LIMS1: variants seen among roughly 807,000 people sequenced by gnomAD.
LIMS1 encodes the protein LIM zinc finger domain containing 1.
LIMS1 carries 18 observed loss-of-function variants against 44.1 expected under a neutral mutation model. That is an observed-to-expected ratio of 0.41 (90% confidence interval 0.28 to 0.61). The LOEUF (loss-of-function observed/expected upper bound fraction) is 0.61, where lower values mean the gene tolerates loss of function less well. LIMS1 is among the 20% of genes least tolerant of loss of function. The pLI, the probability that LIMS1 is intolerant of heterozygous loss-of-function variation, is 0.32. For synonymous variants in LIMS1, 93 were observed against 149.1 expected, an observed-to-expected ratio of 0.62 and a Z score of 2.74; for missense variants, 201 against 422.0, an observed-to-expected ratio of 0.48 and a Z score of 4.59.
intron 1 of LIMS1, among the ~76,000 whole-genome samples, chr2:108,592,963 A>G (rs1209724831): frequency 7.9e-5 from 12 of 152,284 alleles, no homozygotes; most frequent in Non-Finnish European, 1.6e-4. Flanking sequence ...CATACCTTGG[A>G]TATTGTGAAT....
At chr2:108,598,202 T>A (rs1351699523) in intron 1 of LIMS1, among the ~76,000 whole-genome samples, 1 of 151,776 alleles carries the variant, frequency 6.6e-6, no homozygotes, top group Non-Finnish European at 1.5e-5. Flanking sequence ...ACATGATGTG[T>A]AAGTAGCTGG....
At chr2:108,629,701 A>G (rs1045242901) in intron 1 of LIMS1, among the ~76,000 whole-genome samples, 7 of 152,188 alleles carry the variant, frequency 4.6e-5, no homozygotes, top group African/African-American at 1.7e-4. Context: ...GTCCATTCAG[A>G]AGCTTTAAAG....
At chr2:108,558,029 C>G (rs1684982105) in intron 1 of LIMS1, among the ~76,000 whole-genome samples, 2 of 152,144 alleles carry the variant, frequency 1.3e-5, no homozygotes, top group Non-Finnish European at 1.5e-5. Context: ...TTAATACTTT[C>G]TAGCAAACAG....
Position 108,649,432 on chromosome 2 carries a change from C to T in LIMS1, c.33-10173C>T, listed in dbSNP as rs538086092. On this transcript the variant is annotated intron_variant, in intron 1 of 9. Transcript: ENST00000544547. Reference sequence around the variant, plus strand: ...GACAGTGTGCCGATTCCTCAAGGATCTAGAACTAGAAATACCATTTGACCC... The same window carrying T: ...GACAGTGTGCCGATTCCTCAAGGATTTAGAACTAGAAATACCATTTGACCC... Among the ~76,000 whole-genome samples, 784 of 152,276 alleles carry T rather than the reference C, an allele frequency of 5.1e-3. 11 individuals carry two copies. Among genetic ancestry groups the T allele is most frequent in the African/African-American group, 0.018 (751 of 41,548 alleles).
chr2:108,648,394 T>G (rs1369574527), intron 1 of LIMS1, among the ~76,000 whole-genome samples: 2 of 152,182 alleles, frequency 1.3e-5, no homozygotes, highest in Non-Finnish European at 2.9e-5. Context: ...CAAAGTAATT[T>G]ATAGATTCAA....
intron 1 of LIMS1, among the ~76,000 whole-genome samples, chr2:108,545,964 A>G (rs1684467588): frequency 6.6e-6 from 1 of 152,232 alleles, no homozygotes; most frequent in Admixed American, 6.5e-5. Flanking sequence ...TACTTCTAAA[A>G]AGAGAAGCCC....
chr2:108,545,049 A>C (rs546983944), intron 1 of LIMS1, among the ~76,000 whole-genome samples: 8 of 152,300 alleles, frequency 5.3e-5, no homozygotes, highest in Non-Finnish European at 1.0e-4. Context: ...GGTTTTTCTA[A>C]ATTGAGATCT....
At chr2:108,546,436 G>A (rs575590748) in intron 1 of LIMS1, among the ~76,000 whole-genome samples, 7 of 151,720 alleles carry the variant, frequency 4.6e-5, no homozygotes, top group Non-Finnish European at 1.0e-4. Flanking sequence ...TGTGAGCCAC[G>A]GTGCCTGGGC....
intron 1 of LIMS1, among the ~76,000 whole-genome samples, chr2:108,573,444 T>G (rs977884950): frequency 1.3e-5 from 2 of 152,204 alleles, no homozygotes; most frequent in African/African-American, 4.8e-5. Context: ...CTTGAATACT[T>G]AACGATACAC....
At chr2:108,611,443 G>GT (rs537558779) in intron 1 of LIMS1, among the ~76,000 whole-genome samples, 47 of 151,824 alleles carry the variant, frequency 3.1e-4, no homozygotes, top group Non-Finnish European at 6.2e-4. Context: ...ACCTATCAAT[G>GT]TTTTTTTTCA....
intron 1 of LIMS1, among the ~76,000 whole-genome samples, chr2:108,575,232 G>T (rs939929061): frequency 6.6e-6 from 1 of 152,032 alleles, no homozygotes; most frequent in Non-Finnish European, 1.5e-5. Flanking sequence ...GAGGATGGAG[G>T]TGGGGTTTTT....
chr2:108,551,842 TG>T (rs1400658654), intron 1 of LIMS1, among the ~76,000 whole-genome samples: 1 of 146,480 alleles, frequency 6.8e-6, no homozygotes, highest in Non-Finnish European at 1.5e-5. Flanking sequence ...ACACATATAC[TG>T]TATATATACT....
intron 1 of LIMS1, among the ~76,000 whole-genome samples, chr2:108,623,056 G>T (rs2148877229): frequency 6.9e-6 from 1 of 145,242 alleles, no homozygotes; most frequent in South Asian, 2.2e-4. Flanking sequence ...GTTGTTTAAA[G>T]AGAAATATTT....
intron 1 of LIMS1, among the ~76,000 whole-genome samples, chr2:108,600,968 C>G (rs1174432610): frequency 1.3e-5 from 2 of 149,032 alleles, no homozygotes; most frequent in African/African-American, 5.2e-5. Flanking sequence ...GAGTCTTACT[C>G]TGTCACCCAG....
intron 1 of LIMS1, among the ~76,000 whole-genome samples, chr2:108,644,333 C>G (rs1281776119): frequency 6.6e-6 from 1 of 152,136 alleles, no homozygotes; most frequent in East Asian, 1.9e-4. Context: ...GCAGCCCCCG[C>G]CAGTGATACC....
intron 1 of LIMS1, among the ~76,000 whole-genome samples, chr2:108,586,676 A>G (rs1201595068): frequency 6.6e-6 from 1 of 152,192 alleles, no homozygotes; most frequent in East Asian, 1.9e-4. Flanking sequence ...GGGACTCAGA[A>G]AAACATCCAG....
chr2:108,631,441 G>T (rs1688914513), intron 1 of LIMS1, among the ~76,000 whole-genome samples: 2 of 151,836 alleles, frequency 1.3e-5, no homozygotes, highest in South Asian at 4.2e-4. Flanking sequence ...TATATTAACA[G>T]ATTTAGACCT....
At chr2:108,642,336 TTTTTTG>T (rs1177980665) in intron 1 of LIMS1, among the ~76,000 whole-genome samples, 585 of 22,112 alleles carry the variant, frequency 0.026, 15 homozygotes, top group African/African-American at 0.062. Context: ...GCTACTAGTG[TTTTTTG>T]TTTTTTTTTT....
intron 1 of LIMS1, among the ~76,000 whole-genome samples, chr2:108,577,088 C>T (rs1188635211): frequency 6.6e-6 from 1 of 152,210 alleles, no homozygotes; most frequent in Non-Finnish European, 1.5e-5. Context: ...TGAGTGCACT[C>T]AACATGTTTT....
Sources: gnomAD v4.1 joint callset for allele counts (sites outside exome capture counted in the v4.1 genomes callset) on GRCh38, gnomAD v4.1.1 for gene constraint, MANE v1.5 for transcripts, NCBI Gene and HGNC (gene_info 2026-07-23, HGNC 2026-07-21) for gene names.